Variants in EYS observed in about 807,000 individuals in gnomAD.
EYS encodes protein eyes shut homolog.
EYS carries 250 observed loss-of-function variants against 282.1 expected under a neutral mutation model. The ratio of observed to expected loss-of-function variants is 0.89; its 90% CI spans 0.80 to 0.98. The LOEUF (loss-of-function observed/expected upper bound fraction) is 0.98, where lower values mean the gene tolerates loss of function less well. Ranked by LOEUF, EYS falls within the 50% of genes least tolerant of loss-of-function variation. The pLI is 0.00. For missense variants in EYS, 4,016 were observed against 3,709.0 expected (o/e 1.08, Z -2.15); for synonymous variants, 1,355 against 1,282.9 (o/e 1.06, Z -1.20).
At chr6:64,606,562 A>G (rs1471230525) in intron 24 of EYS, among the ~76,000 whole-genome samples, 1 of 152,072 alleles carries the variant, frequency 6.6e-6, no homozygotes, top group African/African-American at 2.4e-5. Context: ...CTTATCTTTA[A>G]CTAATTTATC....
At chr6:64,157,750 G>A (rs780422779) in intron 31 of EYS, among the ~76,000 whole-genome samples, 5 of 152,198 alleles carry the variant, frequency 3.3e-5, no homozygotes, top group Non-Finnish European at 5.9e-5. Context: ...GGGAACCTTC[G>A]CCTAGATTTC....
chr6:64,094,612 C>T (rs1772511925), intron 31 of EYS, among the ~76,000 whole-genome samples: 1 of 152,098 alleles, frequency 6.6e-6, no homozygotes, highest in African/African-American at 2.4e-5. Context: ...TCCCCTTTAT[C>T]ATTTTTTTAT....
rs1416542967 is a variant in EYS at position 65,626,084 on chromosome 6, T to G, written c.-333+13694A>C. Among the ~76,000 whole-genome samples, 3 of 152,162 alleles carry G rather than the reference T, an allele frequency of 2.0e-5. No homozygotes were observed. In the East Asian group the frequency reaches 5.8e-4, roughly 29 times the overall value. The stretch of plus-strand genomic sequence containing the variant: ...AATCACTGAAGCCTGTGTAGTGATG[T>G]GTATAGTCTCTTAGTCCCTAAGAGG... On this transcript the variant is annotated intron_variant, in intron 2 of 42. Transcript: ENST00000503581.
intron 41 of EYS, among the ~76,000 whole-genome samples, chr6:63,750,181 A>G (rs1769308859): frequency 2.0e-5 from 3 of 152,092 alleles, no homozygotes; most frequent in Admixed American, 2.0e-4. Flanking sequence ...TGCCTATGTT[A>G]TCTTTTTAAC....
At chr6:64,209,213 T>TA (rs1338061835) in intron 31 of EYS, among the ~76,000 whole-genome samples, 1 of 152,156 alleles carries the variant, frequency 6.6e-6, no homozygotes, top group Non-Finnish European at 1.5e-5. Context: ...AAGTGATAGA[T>TA]ACAGTAGCTT....
chr6:64,580,380 T>C (rs1015763026), intron 26 of EYS, among the ~76,000 whole-genome samples: 6 of 152,152 alleles, frequency 3.9e-5, no homozygotes, highest in Admixed American at 6.6e-5. Context: ...CAAGGTTTTT[T>C]TCACAGAAGT....
intron 31 of EYS, among the ~76,000 whole-genome samples, chr6:64,192,221 G>C (rs1765135653): frequency 6.6e-6 from 1 of 150,406 alleles, no homozygotes; most frequent in African/African-American, 2.4e-5. Flanking sequence ...TGTAGATTCT[G>C]GATATTAGCC....
chr6:64,879,146 TG>T (rs1265759207), intron 19 of EYS, among the ~76,000 whole-genome samples: 1 of 152,156 alleles, frequency 6.6e-6, no homozygotes, highest in Non-Finnish European at 1.5e-5. Flanking sequence ...CACCAAATCT[TG>T]TCAAATCTAT....
intron 2 of EYS, among the ~76,000 whole-genome samples, chr6:65,618,020 C>T (rs1249219543): frequency 1.3e-5 from 2 of 152,082 alleles, no homozygotes; most frequent in African/African-American, 4.8e-5. Context: ...CATACATGTG[C>T]ATGTGTGTTT....
At position 64,822,705 on chromosome 6, in the gene EYS, G is replaced by T; in HGVS notation, c.3110C>A (p.Thr1037Lys). Residue 1037 changes from threonine to lysine, a missense_variant, in exon 20 of 43, where the codon ACA becomes AAA. Physicochemically the swap from Thr to Lys is moderately conservative, Grantham distance 78. Transcript: ENST00000503581. ...ATCATTGGCGTTTGTTTCACAGTGTGTTCCAAAAAACCCACTCTTGCAGTC... is the reference window on the plus strand; with the variant it reads ...ATCATTGGCGTTTGTTTCACAGTGTTTTCCAAAAAACCCACTCTTGCAGTC... ...TCDCKSGFFGTHCETNANDCL... is the reference protein window; with the variant it reads ...TCDCKSGFFGKHCETNANDCL... 3 of 1,548,664 alleles carry T rather than the reference G, an allele frequency of 1.9e-6. No individual in the cohort carries two copies. The highest frequency in any genetic ancestry group is 2.6e-6 in the Non-Finnish European group (3 of 1,145,716).
At chr6:65,450,896 T>G (rs1312988939) in intron 5 of EYS, among the ~76,000 whole-genome samples, 3 of 152,112 alleles carry the variant, frequency 2.0e-5, no homozygotes, top group African/African-American at 7.2e-5. Context: ...TCTGAGAAAC[T>G]CAAAACTCAC....
intron 19 of EYS, among the ~76,000 whole-genome samples, chr6:64,834,631 A>C (rs1765327867): frequency 6.6e-6 from 1 of 151,858 alleles, no homozygotes; most frequent in Admixed American, 6.6e-5. Flanking sequence ...CATTTTATTT[A>C]TTCAAAGTTA....
At chr6:64,733,175 C>T (rs998170680) in intron 22 of EYS, 1 of 152,228 alleles carries the variant, frequency 6.6e-6, no homozygotes, top group East Asian at 1.9e-4. Flanking sequence ...GCTTTCATGA[C>T]TAGCTGCTGG....
intron 22 of EYS, among the ~76,000 whole-genome samples, chr6:64,765,346 G>T (rs1300500977): frequency 1.3e-5 from 2 of 152,094 alleles, no homozygotes; most frequent in Non-Finnish European, 2.9e-5. Context: ...CACCATTTTG[G>T]TCAAAGCCAT....
At chr6:64,414,228 AC>A (rs1773994367) in intron 28 of EYS, among the ~76,000 whole-genome samples, 1 of 152,198 alleles carries the variant, frequency 6.6e-6, no homozygotes, top group Non-Finnish European at 1.5e-5. Context: ...GATATCATAT[AC>A]AAATAAATAT....
chr6:65,068,201 T>C (rs1170673326), intron 12 of EYS, among the ~76,000 whole-genome samples: 1 of 152,164 alleles, frequency 6.6e-6, no homozygotes, highest in Non-Finnish European at 1.5e-5. Context: ...AGAGCATCCA[T>C]GAAATCAGTG....
At chr6:64,484,058 A>G (rs1222534486) in intron 26 of EYS, among the ~76,000 whole-genome samples, 1 of 151,626 alleles carries the variant, frequency 6.6e-6, no homozygotes, top group Non-Finnish European at 1.5e-5. Flanking sequence ...ATGTTCTTCA[A>G]TTGACTTTTT....
chr6:65,591,207 G>C (rs1223428064), intron 2 of EYS, among the ~76,000 whole-genome samples: 1 of 151,788 alleles, frequency 6.6e-6, no homozygotes, highest in Non-Finnish European at 1.5e-5. Flanking sequence ...ACAGTGGTTT[G>C]TTTGCTTGTT....
chr6:65,688,465 A>G (rs1190593498), intron 1 of EYS, among the ~76,000 whole-genome samples: 1 of 152,170 alleles, frequency 6.6e-6, no homozygotes, highest in South Asian at 2.1e-4. Flanking sequence ...TGTTAGACCT[A>G]AAACCATAAA....
Sources: allele counts gnomAD v4.1 joint callset (sites outside exome capture counted in the v4.1 genomes callset), GRCh38; gene constraint gnomAD v4.1.1; transcripts MANE v1.5; gene names NCBI Gene and HGNC (gene_info 2026-07-23, HGNC 2026-07-21).